Variants in SCN2A observed in about 807,000 individuals in gnomAD.
The protein encoded by SCN2A is sodium channel protein type 2 subunit alpha.
In SCN2A, 20 loss-of-function variants were observed where a neutral mutation model predicts 188.7. The ratio of observed to expected loss-of-function variants is 0.11; its 90% CI spans 0.07 to 0.15. The LOEUF (loss-of-function observed/expected upper bound fraction) is 0.15. Among genes scored for constraint, SCN2A ranks in the 10% least tolerant of loss-of-function variants. The pLI is 1.00. For missense variants in SCN2A, 1,278 were observed against 2,445.0 expected, an observed-to-expected ratio of 0.52 and a Z score of 10.07; for synonymous variants, 804 against 833.1, an observed-to-expected ratio of 0.97 and a Z score of 0.60.
intron 1 of SCN2A, among the ~76,000 whole-genome samples, chr2:165,261,814 C>T (rs1339032245): frequency 1.3e-5 from 2 of 152,090 alleles, no homozygotes; most frequent in African/African-American, 2.4e-5. Context: ...TTCAGTCATA[C>T]CAAAGTGTTG....
At chr2:165,284,566 A>C (rs936930723) in intron 1 of SCN2A, among the ~76,000 whole-genome samples, 7 of 152,086 alleles carry the variant, frequency 4.6e-5, no homozygotes, top group Non-Finnish European at 5.9e-5. Flanking sequence ...TCCACTGAGG[A>C]GTTTAGAGGC....
At chr2:165,382,700 T>A (rs994730432) in intron 25 of SCN2A, among the ~76,000 whole-genome samples, 1 of 152,150 alleles carries the variant, frequency 6.6e-6, no homozygotes, top group African/African-American at 2.4e-5. Context: ...GTGAAACTGT[T>A]GGTTCCACTA....
intron 1 of SCN2A, chr2:165,285,686 G>A (rs1015099229): frequency 4.2e-5 from 10 of 236,690 alleles, no homozygotes; most frequent in Admixed American, 3.4e-4. Context: ...TGAATAAACC[G>A]AAGTAACCTC....
At chr2:165,349,173 A>G (rs919223079) in intron 16 of SCN2A, among the ~76,000 whole-genome samples, 4 of 152,348 alleles carry the variant, frequency 2.6e-5, no homozygotes, top group East Asian at 1.9e-4. Context: ...TATATTTGGT[A>G]TATGTTGGAA....
In SCN2A at chr2:165,342,016, A is replaced by G. The variant is rs62174667; in HGVS notation, c.2389-280A>G. 0.21 allele frequency among the ~76,000 whole-genome samples: 31,451 copies of G among 152,084 alleles called. 3,959 individuals carry two copies. Among genetic ancestry groups the G allele is most frequent in the East Asian group, 0.34 (1,745 of 5,152 alleles). On this transcript the variant is annotated intron_variant, in intron 14 of 26. Coordinates refer to ENST00000375437, the MANE Select transcript of SCN2A (RefSeq NM_001040142.2). ...GGCTAGAAAGATCAGAGACAGAGCC[A>G]AACAGTTGATCACAATGAGTCAGTT...
rs753804133 is a variant in SCN2A at position 165,370,148 on chromosome 2, A to T, written c.3698A>T (p.Glu1233Val). ...CAGGCCTTTGAAGATATATACATTG[A>T]GCAGCGAAAAACCATTAAGACCATG... ...GALAFEDIYI[E>V]QRKTIKTMLE... The change falls in exon 20 of 27, where the codon GAG (glutamate) becomes GTG (valine). Residue 1233 changes from glutamate (E) to valine (V), a missense_variant. Physicochemically the swap from Glu to Val is moderately radical, Grantham distance 121 (BLOSUM62 -2). Coordinates refer to ENST00000375437, the MANE Select transcript of SCN2A (RefSeq NM_001040142.2). The T allele has an allele frequency of 6.2e-7, 1 of 1,614,076 alleles. No homozygotes were observed.
At chr2:165,248,303 T>C (rs1313499876) in intron 1 of SCN2A, among the ~76,000 whole-genome samples, 1 of 152,184 alleles carries the variant, frequency 6.6e-6, no homozygotes, top group Non-Finnish European at 1.5e-5. Flanking sequence ...TTTAGCCTGG[T>C]CTCCATCCCA....
rs555827093 is a variant in SCN2A at position 165,379,605 on chromosome 2, CTT to C, written c.4309-984_4309-983del. Among the ~76,000 whole-genome samples, 642 of 151,784 alleles carry C rather than the reference CTT, an allele frequency of 4.2e-3. 6 individuals carry two copies. Among genetic ancestry groups the C allele is most frequent in the African/African-American group, 0.015 (607 of 41,498 alleles). On this transcript the variant is annotated intron_variant, in intron 23 of 26. Transcript: ENST00000375437. ...ATGCACTTTCCTGTATGTATATTGT[CTT>C]TTAAAAATTTTAAAAATATAATTTT... is the stretch of plus-strand genomic sequence containing the variant.
At chr2:165,358,852 A>T (rs1700308515) in intron 17 of SCN2A, among the ~76,000 whole-genome samples, 1 of 152,086 alleles carries the variant, frequency 6.6e-6, no homozygotes, top group Non-Finnish European at 1.5e-5. Flanking sequence ...TCATGTGACA[A>T]TAGCAATAAA....
At chr2:165,272,140 A>G (rs1695130504) in intron 1 of SCN2A, 1 of 152,130 alleles carries the variant, frequency 6.6e-6, no homozygotes, top group South Asian at 2.1e-4. Context: ...AATATAACAC[A>G]GACAGGTTGA....
intron 14 of SCN2A, among the ~76,000 whole-genome samples, chr2:165,336,282 A>G (rs1280964120): frequency 6.6e-6 from 1 of 151,984 alleles, no homozygotes; most frequent in Non-Finnish European, 1.5e-5. Flanking sequence ...TTAAAAACAT[A>G]TTTCAACATG....
chr2:165,301,426 G>A (rs1029051777), intron 3 of SCN2A, among the ~76,000 whole-genome samples: 1 of 152,096 alleles, frequency 6.6e-6, no homozygotes, highest in Non-Finnish European at 1.5e-5. Flanking sequence ...ATTTGAAAAT[G>A]GTAGGAAAAT....
intron 16 of SCN2A, among the ~76,000 whole-genome samples, chr2:165,352,194 T>A (rs1031396951): frequency 2.0e-5 from 3 of 152,262 alleles, no homozygotes; most frequent in East Asian, 1.9e-4. Flanking sequence ...TCTGTTTTTT[T>A]AATCCAAATA....
rs12692764 is a variant in SCN2A, at chr2:165,321,462, G to A, written c.1672-1694G>A. On this transcript the variant is annotated intron_variant, in intron 11 of 26. Transcript: ENST00000375437. ...GTCCCACTCCTGGTATCAATTTACT[G>A]TATTAATCTGTTTTCATGCTGCTGA... Among the ~76,000 whole-genome samples, 3 of 152,036 alleles carry A rather than the reference G, an allele frequency of 2.0e-5. No individual in the cohort carries two copies. In the South Asian group the frequency reaches 6.2e-4, roughly 32 times the overall value.
intron 11 of SCN2A, 38 bp from the exon 12 acceptor site, chr2:165,323,118 C>G: frequency 2.4e-5 from 37 of 1,560,360 alleles, no homozygotes; most frequent in East Asian, 4.5e-5. Context: ...TCTTAACTCT[C>G]TTCATCTCAT....
chr2:165,343,580 C>T (rs1699424097), intron 15 of SCN2A, among the ~76,000 whole-genome samples: 1 of 152,114 alleles, frequency 6.6e-6, no homozygotes, highest in Non-Finnish European at 1.5e-5. Flanking sequence ...TACTTTGGTG[C>T]ATGTATTTAC....
chr2:165,355,577 C>T (rs967058217), intron 17 of SCN2A, among the ~76,000 whole-genome samples: 1 of 152,074 alleles, frequency 6.6e-6, no homozygotes, highest in Non-Finnish European at 1.5e-5. Context: ...AACAAAGATT[C>T]GTTCCTTCCT....
intron 22 of SCN2A, among the ~76,000 whole-genome samples, 183 bp downstream of exon 22, chr2:165,375,149 G>A (rs1248452705): frequency 1.3e-5 from 2 of 151,982 alleles, no homozygotes; most frequent in Admixed American, 6.6e-5. Context: ...ATGTAAATTA[G>A]TATAGCTTTT....
intron 1 of SCN2A, chr2:165,268,903 T>G (rs76507196): frequency 0.011 from 1,622 of 151,920 alleles, 28 homozygotes; most frequent in East Asian, 0.066. Flanking sequence ...ATGACAAATA[T>G]TGCATGATGT....
Sources: allele counts gnomAD v4.1 joint callset (sites outside exome capture counted in the v4.1 genomes callset), GRCh38; gene constraint gnomAD v4.1.1; transcripts MANE v1.5; gene names NCBI Gene and HGNC (gene_info 2026-07-23, HGNC 2026-07-21).